Variants in FBP1 observed in about 807,000 individuals in gnomAD.
FBP1 encodes fructose-1,6-bisphosphatase 1.
FBP1 carries 22 observed loss-of-function variants against 29.9 expected under a neutral mutation model. That is an observed-to-expected ratio of 0.74 (90% CI 0.53 to 1.05). The LOEUF (loss-of-function observed/expected upper bound fraction) is 1.05, where lower values mean the gene tolerates loss of function less well. Among genes scored for constraint, FBP1 ranks in the 50% least tolerant of loss-of-function variants. The pLI is 0.00. For synonymous variants in FBP1, 175 were observed against 178.6 expected, an observed-to-expected ratio of 0.98 and a Z score of 0.16; for missense variants, 345 against 448.2, an observed-to-expected ratio of 0.77 and a Z score of 2.08.
At chr9:94,625,414 C>T (rs1044745198) in intron 1 of FBP1, among the ~76,000 whole-genome samples, 4 of 151,986 alleles carry the variant, frequency 2.6e-5, no homozygotes, top group African/African-American at 7.2e-5. Flanking sequence ...CAGGGCGGCC[C>T]GCATCCACCA....
At chr9:94,615,559 A>G (rs1312529070) in intron 3 of FBP1, among the ~76,000 whole-genome samples, 2 of 152,200 alleles carry the variant, frequency 1.3e-5, no homozygotes, top group African/African-American at 4.8e-5. Flanking sequence ...CCATGTCTAC[A>G]ACAGAAATGG....
At chr9:94,622,407 C>T (rs947535977) in intron 1 of FBP1, among the ~76,000 whole-genome samples, 4 of 152,232 alleles carry the variant, frequency 2.6e-5, no homozygotes, top group South Asian at 2.1e-4. Context: ...GATGTGCGCT[C>T]GCCTGGGAAC....
At chr9:94,632,888 C>T (rs1162609699) in intron 1 of FBP1, among the ~76,000 whole-genome samples, 2 of 152,180 alleles carry the variant, frequency 1.3e-5, no homozygotes, top group Non-Finnish European at 2.9e-5. Context: ...CTCTCCAAAA[C>T]GTGCTCTGAA....
chr9:94,606,804 C>A lies in FBP1; in HGVS notation c.705+11G>T, dbSNP rs1483745807. 1.9e-6 allele frequency: 3 copies of A among 1,612,922 alleles called. No homozygotes were observed. Among genetic ancestry groups the A allele is most frequent in the African/African-American group, 2.7e-5 (2 of 75,042 alleles). On this transcript the variant is annotated intron_variant, in intron 5 of 6. Transcript: ENST00000375326. Reference sequence around the variant, plus strand: ...CAGAACCTGCACCACCCTCCCCGGGCCCTCACTTACTGGGGGGAACTTCTT... The same window carrying A: ...CAGAACCTGCACCACCCTCCCCGGGACCTCACTTACTGGGGGGAACTTCTT...
chr9:94,619,567 T>C (rs962166269), intron 2 of FBP1, among the ~76,000 whole-genome samples: 1 of 152,148 alleles, frequency 6.6e-6, no homozygotes, highest in Non-Finnish European at 1.5e-5. Flanking sequence ...AAGATTCATT[T>C]TCTGCTCTCA....
intron 1 of FBP1, among the ~76,000 whole-genome samples, chr9:94,622,177 G>A (rs1443640447): frequency 6.6e-6 from 1 of 152,224 alleles, no homozygotes; most frequent in Non-Finnish European, 1.5e-5. Flanking sequence ...CCAGTGGCTT[G>A]TCTAAACGCA....
In FBP1 at chr9:94,639,374, G is replaced by T; in HGVS notation, c.-64C>A. The stretch of plus-strand genomic sequence containing the variant: ...GGCAGGTGCGGGGCTGCAGGTGCGG[G>T]CGGCAAGAGAGGGCAGTAGGCACTG... On this transcript the variant is annotated 5_prime_UTR_variant, in exon 1 of 7. Coordinates refer to ENST00000375326, the MANE Select transcript of FBP1 (RefSeq NM_000507.4). 6.4e-7 allele frequency: 1 copy of T among 1,552,180 alleles called. No individual in the cohort carries two copies. The highest frequency in any genetic ancestry group is 1.2e-5 in the South Asian group (1 of 85,048).
At position 94,603,328 on chromosome 9, in the gene FBP1, G is replaced by A. The variant is rs2131469270; in HGVS notation, c.*53C>T. ...ACAGCAGGTCAGGGTACTGCTGTGT[G>A]AGACAAAAGGTCCAGGTAGAGGCAA... On this transcript the variant is annotated 3_prime_UTR_variant, in exon 7 of 7. Coordinates refer to ENST00000375326, the MANE Select transcript of FBP1 (RefSeq NM_000507.4). The A allele has an allele frequency of 6.8e-7, 1 of 1,466,804 alleles. No homozygotes were observed. The highest frequency in any genetic ancestry group is 9.5e-7 in the Non-Finnish European group (1 of 1,054,894). The allele number at this position is 1,466,804 out of a possible 1,614,324, so 90.9% of individuals were successfully genotyped here.
At chr9:94,603,608 C>G (rs755222436) in intron 6 of FBP1, 36 bp from the exon 7 acceptor site, 1 of 1,594,702 alleles carries the variant, frequency 6.3e-7, no homozygotes, top group Non-Finnish European at 8.6e-7. Flanking sequence ...CTCCTTGTAT[C>G]AGAAGGTATT....
At chr9:94,639,086 C>T (rs1026691547) in intron 1 of FBP1, 55 bp downstream of exon 1, 2 of 1,536,588 alleles carry the variant, frequency 1.3e-6, no homozygotes, top group Non-Finnish European at 8.8e-7. Flanking sequence ...GCCCGCCGGG[C>T]AGGCTCCCCA....
In FBP1 at chr9:94,632,438, G is replaced by A. The variant is rs1828117422; in HGVS notation, c.170+6703C>T. ...TAAGCCCAGCACTTTGGGAGGCTGA[G>A]GCGGGTGGATGACGAAGTGAGGAGT... On this transcript the variant is annotated intron_variant, in intron 1 of 6. Coordinates refer to ENST00000375326, the MANE Select transcript of FBP1 (RefSeq NM_000507.4). Among the ~76,000 whole-genome samples, 3 of 152,206 alleles carry A rather than the reference G, an allele frequency of 2.0e-5. No homozygotes were observed. The South Asian group carries it at 6.2e-4, about 31-fold the overall frequency.
At position 94,626,309 on chromosome 9, in the gene FBP1, C is replaced by T. The variant is rs544857938; in HGVS notation, c.171-5818G>A. On this transcript the variant is annotated intron_variant, in intron 1 of 6. Transcript: ENST00000375326. ...GTTAGGAAAAGCTTCCAGAAAAGCACAGGAAAAGGATCCTAAGGTAGAAAC... is the reference window on the plus strand; with the variant it reads ...GTTAGGAAAAGCTTCCAGAAAAGCATAGGAAAAGGATCCTAAGGTAGAAAC... Among the ~76,000 whole-genome samples, 14 of 152,320 alleles carry T rather than the reference C, an allele frequency of 9.2e-5. No homozygotes were observed. The South Asian group carries it at 2.9e-3, about 32-fold the overall frequency.
intron 1 of FBP1, among the ~76,000 whole-genome samples, chr9:94,627,733 C>G (rs547472000): frequency 2.6e-5 from 4 of 152,318 alleles, no homozygotes; most frequent in African/African-American, 9.6e-5. Flanking sequence ...CAGCTCCCTT[C>G]TAGATCAGCT....
rs549419079 is a variant in FBP1 at position 94,625,479 on chromosome 9, C to T, written c.171-4988G>A. 5.3e-5 allele frequency among the ~76,000 whole-genome samples: 8 copies of T among 152,262 alleles called. No individual in the cohort carries two copies. In the South Asian group the frequency reaches 1.5e-3, roughly 28 times the overall value. On this transcript the variant is annotated intron_variant, in intron 1 of 6. Coordinates refer to ENST00000375326, the MANE Select transcript of FBP1 (RefSeq NM_000507.4). ...ACGGGGCTGCCCGCATCCACCAAGC[C>T]ATGCAGGCCCTCGCCACAGAACTGA... is the stretch of plus-strand genomic sequence containing the variant.
rs181286910 is a variant in FBP1, at chr9:94,632,452, G to A, written c.170+6689C>T. ...TGGGAGGCTGAGGCGGGTGGATGAC[G>A]AAGTGAGGAGTTCAAGACCAGACTG... On this transcript the variant is annotated intron_variant, in intron 1 of 6. Coordinates refer to ENST00000375326, the MANE Select transcript of FBP1 (RefSeq NM_000507.4). Among the ~76,000 whole-genome samples the A allele has an allele frequency of 8.5e-5, 13 of 152,310 alleles. No individual in the cohort carries two copies. In the East Asian group the frequency reaches 1.9e-3, roughly 23 times the overall value.
intron 1 of FBP1, among the ~76,000 whole-genome samples, chr9:94,638,817 C>CCCA (rs891743971): frequency 2.0e-5 from 3 of 152,104 alleles, no homozygotes; most frequent in African/African-American, 7.2e-5. Context: ...AGGCCAGGTG[C>CCCA]CCACACTTGG....
intron 1 of FBP1, among the ~76,000 whole-genome samples, chr9:94,634,060 G>T (rs112786444): frequency 3.8e-4 from 58 of 150,852 alleles, no homozygotes; most frequent in African/African-American, 1.4e-3. Flanking sequence ...TTGGGAGGCC[G>T]GGGCGGGCAG....
At chr9:94,625,326 G>A (rs986091236) in intron 1 of FBP1, among the ~76,000 whole-genome samples, 7 of 152,230 alleles carry the variant, frequency 4.6e-5, no homozygotes, top group South Asian at 2.1e-4. Context: ...GTGGTACACC[G>A]TTCACGATGG....
Position 94,604,117 on chromosome 9 carries a change from C to T in FBP1, c.826-545G>A, listed in dbSNP as rs1390730497. The T allele has an allele frequency of 3.6e-5, 6 of 167,756 alleles. No individual in the cohort carries two copies. In the South Asian group the frequency reaches 7.4e-4, roughly 21 times the overall value. The allele number at this position is 167,756 out of a possible 1,614,324, so 10.4% of individuals were successfully genotyped here. On this transcript the variant is annotated intron_variant, in intron 6 of 6. Coordinates refer to ENST00000375326, the MANE Select transcript of FBP1 (RefSeq NM_000507.4). ...AGTGTATTATACGTCTTGGCATTCACCTTTAAATATTAACTTTTTTATTGT... is the reference window on the plus strand; with the variant it reads ...AGTGTATTATACGTCTTGGCATTCATCTTTAAATATTAACTTTTTTATTGT...
Sources: allele counts gnomAD v4.1 joint callset (sites outside exome capture counted in the v4.1 genomes callset), GRCh38; gene constraint gnomAD v4.1.1; transcripts MANE v1.5; gene names NCBI Gene and HGNC (gene_info 2026-07-23, HGNC 2026-07-21).